Variants in DNAJB5 observed in about 807,000 individuals in gnomAD.
DNAJB5 encodes DnaJ heat shock protein family (Hsp40) member B5, also known as dnaJ homolog subfamily B member 5.
DNAJB5 carries 12 observed loss-of-function variants against 32.6 expected under a neutral mutation model. That is an observed-to-expected ratio of 0.37 (90% confidence interval 0.24 to 0.60). The LOEUF (loss-of-function observed/expected upper bound fraction) is 0.60. DNAJB5 is among the 20% of genes least tolerant of loss of function. The pLI is 0.71. For synonymous variants in DNAJB5, 188 were observed against 212.9 expected (o/e 0.88, Z 1.02); for missense variants, 358 against 554.2 (o/e 0.65, Z 3.55).
intron 3 of DNAJB5, among the ~76,000 whole-genome samples, chr9:34,995,957 T>C (rs145387548): frequency 2.0e-4 from 31 of 152,360 alleles, no homozygotes; most frequent in African/African-American, 7.5e-4. Context: ...CTTTGGACCA[T>C]GAGTATGTGG....
chr9:34,993,749 C>T lies in DNAJB5; in HGVS notation c.427+305C>T, dbSNP rs530218302. On this transcript the variant is annotated intron_variant, in intron 3 of 4. Transcript: ENST00000682809. This position sits in a 1 kb window ranked among gnomAD's most constrained non-coding sequence, Gnocchi z 4.7. ...CCTTATTAGTCCTGCCTGAAGTCTC[C>T]GCTGCTTCATTGGCTGATGAGGAAG... Among the ~76,000 whole-genome samples, 5 of 152,340 alleles carry T rather than the reference C, an allele frequency of 3.3e-5. No individual in the cohort carries two copies. The highest frequency in any genetic ancestry group is 3.9e-4 in the East Asian group (2 of 5,192).
chr9:34,997,193 T>C lies in DNAJB5; in HGVS notation c.1197T>C (p.Val399=). 6.2e-7 allele frequency: 1 copy of C among 1,614,140 alleles called. No homozygotes were observed. The highest frequency in any genetic ancestry group is 8.5e-7 in the Non-Finnish European group (1 of 1,180,030). ...QRGDLIVEFK[V]RFPDRLTPQT... ...GAGACCTCATTGTTGAGTTCAAAGT[T>C]CGCTTCCCAGACAGATTAACACCAC... is the stretch of plus-strand genomic sequence containing the variant. The change falls in exon 5 of 5, where the codon GTT becomes GTC. Residue 399 remains valine, a synonymous_variant. Transcript: ENST00000682809. This position sits in a 1 kb window ranked among gnomAD's most constrained non-coding sequence, Gnocchi z 4.1.
intron 3 of DNAJB5, among the ~76,000 whole-genome samples, chr9:34,994,339 G>C (rs923366480): frequency 6.6e-5 from 10 of 152,158 alleles, no homozygotes; most frequent in African/African-American, 2.4e-4. Context: ...AGATAAGAAG[G>C]TTATTTTCTT....
chr9:34,990,231 A>G lies in DNAJB5; in HGVS notation c.-132-268A>G. On this transcript the variant is annotated intron_variant, in intron 1 of 4. Transcript: ENST00000682809. This position sits in a 1 kb window ranked among gnomAD's most constrained non-coding sequence, Gnocchi z 4.5. ...CTGCCCCGCCCATCTGCGAGGGAGG[A>G]GACTCCCGTCAGTGACTTCATTGAG... 1 of 1,298,422 alleles carries G rather than the reference A, an allele frequency of 7.7e-7. No individual in the cohort carries two copies. The highest frequency in any genetic ancestry group is 1.0e-6 in the Non-Finnish European group (1 of 1,003,786). The allele number at this position is 1,298,422 out of a possible 1,614,324, so 80.4% of individuals were successfully genotyped here.
In DNAJB5 at chr9:34,997,062, G is replaced by A. The variant is rs1827818982; in HGVS notation, c.1066G>A (p.Asp356Asn). The part of the protein sequence containing the change: ...CGCTVNIPTI[D>N]GRVIPLPCND... Reference sequence around the variant, plus strand: ...CTGCACTGTGAACATTCCCACTATCGACGGCCGAGTGATCCCTTTGCCCTG... The same window carrying A: ...CTGCACTGTGAACATTCCCACTATCAACGGCCGAGTGATCCCTTTGCCCTG... Residue 356 changes from aspartate (D) to asparagine (N), a missense_variant, in exon 5 of 5, where the codon GAC becomes AAC. Asp to Asn is a conservative substitution (Grantham distance 23). Around this residue, in one of 2 missense-constraint regions of DNAJB5, gnomAD observed 248 missense variants for 442.6 expected, o/e 0.56. Coordinates refer to ENST00000682809, the MANE Select transcript of DNAJB5 (RefSeq NM_001349723.3). This position sits in a 1 kb window ranked among gnomAD's most constrained non-coding sequence, Gnocchi z 4.1. 1 of 1,613,610 alleles carries A rather than the reference G, an allele frequency of 6.2e-7. No homozygotes were observed. The highest frequency in any genetic ancestry group is 8.5e-7 in the Non-Finnish European group (1 of 1,180,038).
At chr9:34,995,061 G>A (rs1327794007) in intron 3 of DNAJB5, among the ~76,000 whole-genome samples, 1 of 152,146 alleles carries the variant, frequency 6.6e-6, no homozygotes, top group African/African-American at 2.4e-5. Context: ...GCTTGAACTC[G>A]CTTGATAATC....
At chr9:34,992,594 CGTGAGGCTTA>C (rs1027536257) in intron 2 of DNAJB5, 1 of 152,288 alleles carries the variant, frequency 6.6e-6, no homozygotes, top group African/African-American at 2.5e-5. Flanking sequence ...CTGAGTCACA[CGTGAGGCTTA>C]GCATCGTCAG....
At chr9:34,989,961 G>A (rs1012107096) in intron 1 of DNAJB5, 130 bp downstream of exon 1, 42 of 1,109,638 alleles carry the variant, frequency 3.8e-5, no homozygotes, top group Non-Finnish European at 4.7e-5. Context: ...GGGCCCCGGG[G>A]TCTGCAGGGT....
rs770649721 is a variant in DNAJB5 at position 34,997,136 on chromosome 9, C to A, written c.1140C>A (p.Gly380=). 20 of 1,614,110 alleles carry A rather than the reference C, an allele frequency of 1.2e-5. No individual in the cohort carries two copies. The South Asian group carries it at 1.9e-4, about 15-fold the overall frequency. ...PGTVKRLRGE[G]LPFPKVPTQR... is the part of the protein sequence containing the mutation. ...CCGTGAAGAGACTCCGTGGGGAGGGCCTTCCCTTCCCCAAAGTGCCAACTC... is the reference window on the plus strand; with the variant it reads ...CCGTGAAGAGACTCCGTGGGGAGGGACTTCCCTTCCCCAAAGTGCCAACTC... The change falls in exon 5 of 5, where the codon GGC becomes GGA. Residue 380 remains glycine (G), a synonymous_variant. Transcript: ENST00000682809. This position sits in a 1 kb window ranked among gnomAD's most constrained non-coding sequence, Gnocchi z 4.1.
rs1827698391 is a variant in DNAJB5 at position 34,993,151 on chromosome 9, G to A, written c.183-49G>A. The A allele has an allele frequency of 6.4e-7, 1 of 1,564,734 alleles. No homozygotes were observed. The highest frequency in any genetic ancestry group is 2.3e-5 in the East Asian group (1 of 44,284). The stretch of plus-strand genomic sequence containing the variant: ...GGATTGCAAGATCATCAGGAACAGG[G>A]CTGGGGCAGAAGAGAAGGCATCAAG... On this transcript the variant is annotated intron_variant, in intron 2 of 4. Coordinates refer to ENST00000682809, the MANE Select transcript of DNAJB5 (RefSeq NM_001349723.3). This position sits in a 1 kb window ranked among gnomAD's most constrained non-coding sequence, Gnocchi z 4.7.
Position 34,996,645 on chromosome 9 carries a change from A to C in DNAJB5, c.808A>C (p.Asn270His). 6.2e-7 allele frequency: 1 copy of C among 1,614,102 alleles called. No homozygotes were observed. The highest frequency in any genetic ancestry group is 8.5e-7 in the Non-Finnish European group (1 of 1,180,006). ...KRMKITRRRL[N>H]PDGRTVRTED... ...CATGAAGATCACAAGGCGTCGCCTC[A>C]ACCCTGATGGGCGAACTGTGCGCAC... The change falls in exon 4 of 5, where the codon AAC becomes CAC. Residue 270 changes from asparagine to histidine, a missense_variant. Around this residue, in one of 2 missense-constraint regions of DNAJB5, gnomAD observed 248 missense variants for 442.6 expected, o/e 0.56. Transcript: ENST00000682809. This position sits in a 1 kb window ranked among gnomAD's most constrained non-coding sequence, Gnocchi z 7.2.
At chr9:34,991,667 T>TTCCC in intron 2 of DNAJB5, 1 of 79,754 alleles carries the variant, frequency 1.3e-5, no homozygotes, top group Non-Finnish European at 2.7e-5. Context: ...CGAAAACGGT[T>TTCCC]GCCCCCCCCC....
At chr9:34,991,017 C>T in intron 2 of DNAJB5, 2 of 602,258 alleles carry the variant, frequency 3.3e-6, no homozygotes, top group Non-Finnish European at 5.8e-6. Flanking sequence ...TATCCATTTT[C>T]CACAGACATT....
Position 34,997,957 on chromosome 9 carries a change from G to A in DNAJB5, c.*698G>A, listed in dbSNP as rs191540392. The stretch of plus-strand genomic sequence containing the variant: ...TGTCCTCCCTGCTGCTCTCAGGAGT[G>A]TTCAAGGGTGGAGGGCAGGGAATGG... On this transcript the variant is annotated 3_prime_UTR_variant, in exon 5 of 5. Coordinates refer to ENST00000682809, the MANE Select transcript of DNAJB5 (RefSeq NM_001349723.3). The surrounding 1 kb of genome is among the most constrained non-coding windows in gnomAD (Gnocchi z 4.1). 2.8e-3 allele frequency: 454 copies of A among 161,692 alleles called. 3 individuals carry two copies. The highest frequency in any genetic ancestry group is 0.01 in the African/African-American group (437 of 41,646). 10.0% of individuals were successfully genotyped at this position (161,692 alleles called of 1,614,324 possible). A position where few individuals can be genotyped will look rare whatever the true frequency, so the allele number is the denominator to read the frequency against.
In DNAJB5 at chr9:34,996,851, G is replaced by A. The variant is rs149021821; in HGVS notation, c.1014G>A (p.Leu338=). 2.5e-6 allele frequency: 4 copies of A among 1,609,848 alleles called. No homozygotes were observed. The highest frequency in any genetic ancestry group is 1.3e-5 in the African/African-American group (1 of 74,890). The change falls in exon 4 of 5, where the codon CTG becomes CTA. Residue 338 remains leucine, a synonymous_variant. Coordinates refer to ENST00000682809, the MANE Select transcript of DNAJB5 (RefSeq NM_001349723.3). This position sits in a 1 kb window ranked among gnomAD's most constrained non-coding sequence, Gnocchi z 7.2. Reference sequence around the variant, plus strand: ...GCACCAACGTGCTCTACAGTGCCCTGATCAGCCTCAAGGAGGTGGGGCCTA... The same window carrying A: ...GCACCAACGTGCTCTACAGTGCCCTAATCAGCCTCAAGGAGGTGGGGCCTA... ...RDGTNVLYSA[L]ISLKEALCGC...
chr9:34,996,893 G>C lies in DNAJB5; in HGVS notation c.1029+27G>C. 6.3e-7 allele frequency: 1 copy of C among 1,592,562 alleles called. No individual in the cohort carries two copies. Among genetic ancestry groups the C allele is most frequent in the Non-Finnish European group, 8.5e-7 (1 of 1,169,702 alleles). ...TGGGGCCTAGTCAGGCTGTGTGTGTGTGCTGGGGAGATGGTGGGGACATTC... is the reference window on the plus strand; with the variant it reads ...TGGGGCCTAGTCAGGCTGTGTGTGTCTGCTGGGGAGATGGTGGGGACATTC... On this transcript the variant is annotated intron_variant, in intron 4 of 4. Coordinates refer to ENST00000682809, the MANE Select transcript of DNAJB5 (RefSeq NM_001349723.3). This position sits in a 1 kb window ranked among gnomAD's most constrained non-coding sequence, Gnocchi z 7.2.
In DNAJB5 at chr9:34,990,513, G is replaced by A. The variant is rs1184436374; in HGVS notation, c.-118G>A. The A allele has an allele frequency of 6.5e-7, 1 of 1,541,318 alleles. No homozygotes were observed. Among genetic ancestry groups the A allele is most frequent in the South Asian group, 1.2e-5 (1 of 83,560 alleles). ...TTGGGGATCAGGTCCGGCACCTGCT[G>A]CGCCAGACAGGCCTTGCTGGGCACG... is the stretch of plus-strand genomic sequence containing the variant. On this transcript the variant is annotated 5_prime_UTR_variant, in exon 2 of 5. Coordinates refer to ENST00000682809, the MANE Select transcript of DNAJB5 (RefSeq NM_001349723.3). This position sits in a 1 kb window ranked among gnomAD's most constrained non-coding sequence, Gnocchi z 4.5.
rs1554662677 is a variant in DNAJB5 at position 34,991,622 on chromosome 9, C to CCA, written c.182+811_182+812insAC. On this transcript the variant is annotated intron_variant, in intron 2 of 4. Coordinates refer to ENST00000682809, the MANE Select transcript of DNAJB5 (RefSeq NM_001349723.3). ...AGGCAGAAATGGCAGACCACCCCCCCCCGCTCCCTCTCAGACGGCTTTTGC... is the reference window on the plus strand; with the variant it reads ...AGGCAGAAATGGCAGACCACCCCCCCCACCGCTCCCTCTCAGACGGCTTTTGC... 2.1e-3 allele frequency: 400 copies of CCA among 194,558 alleles called. 11 individuals are homozygous for CCA. Among genetic ancestry groups the CCA allele is most frequent in the South Asian group, 0.014 (383 of 27,998 alleles). 12.1% of individuals were successfully genotyped at this position (194,558 alleles called of 1,614,324 possible).
In DNAJB5 at chr9:34,990,376, G is replaced by A; in HGVS notation, c.-132-123G>A. The A allele has an allele frequency of 1.3e-6, 2 of 1,514,320 alleles. No homozygotes were observed. Among genetic ancestry groups the A allele is most frequent in the Non-Finnish European group, 1.8e-6 (2 of 1,134,044 alleles). The allele number at this position is 1,514,320 out of a possible 1,614,324, so 93.8% of individuals were successfully genotyped here. ...TACACGCTGCCACTCACAAACACAC[G>A]CTTGCACTCCCAGCCTCACTGACAC... On this transcript the variant is annotated intron_variant, in intron 1 of 4. Coordinates refer to ENST00000682809, the MANE Select transcript of DNAJB5 (RefSeq NM_001349723.3). This position sits in a 1 kb window ranked among gnomAD's most constrained non-coding sequence, Gnocchi z 4.5.
Sources: gnomAD v4.1 joint callset for allele counts (sites outside exome capture counted in the v4.1 genomes callset) on GRCh38, gnomAD v4.1.1 for gene constraint, gnomAD v4.1.1 regional missense constraint, Gnocchi (gnomAD v3.1) non-coding constraint, MANE v1.5 for transcripts, NCBI Gene and HGNC (gene_info 2026-07-23, HGNC 2026-07-21) for gene names.